Variants in EFHD1 observed in about 807,000 individuals in gnomAD.
The protein encoded by EFHD1 is EF-hand domain-containing protein D1.
A neutral mutation model predicts 17.2 loss-of-function variants in EFHD1; 10 were observed. The observed-to-expected ratio is 0.58, with a 90% CI of 0.36 to 0.99. The LOEUF is 0.99. EFHD1 is among the 50% of genes least tolerant of loss of function. The pLI, the probability that EFHD1 is intolerant of heterozygous loss-of-function variation, is 0.01. For synonymous variants in EFHD1, 153 were observed against 142.0 expected, an observed-to-expected ratio of 1.08 and a Z score of -0.55; for missense variants, 310 against 327.5, an observed-to-expected ratio of 0.95 and a Z score of 0.41.
chr2:232,625,482 T>C (rs1694090256), intron 1 of EFHD1, among the ~76,000 whole-genome samples: 1 of 152,058 alleles, frequency 6.6e-6, no homozygotes, highest in South Asian at 2.1e-4. Context: ...ATATATGAGA[T>C]TTTTCAACTT....
At position 232,634,035 on chromosome 2, in the gene EFHD1, C is replaced by T. The variant is rs757508364; in HGVS notation, c.302+29C>T. 4.4e-6 allele frequency: 7 copies of T among 1,595,794 alleles called. No individual in the cohort carries two copies. In the South Asian group the frequency reaches 7.7e-5, roughly 18 times the overall value. On this transcript the variant is annotated intron_variant, in intron 1 of 3. Coordinates refer to ENST00000264059, the MANE Select transcript of EFHD1 (RefSeq NM_025202.4). ...AGCTCCCGCTGCGCGCCCTTCGCCC[C>T]CGGGACCAGGGAGGGAGCGGGAGGG...
At chr2:232,667,713 C>A (rs114662139) in intron 2 of EFHD1, among the ~76,000 whole-genome samples, 2 of 151,850 alleles carry the variant, frequency 1.3e-5, no homozygotes, top group Non-Finnish European at 2.9e-5. Flanking sequence ...GCACCACACC[C>A]GGCTAATTTT....
In EFHD1 at chr2:232,610,564, C is replaced by T. The variant is rs1297426274; in HGVS notation, c.14+4391C>T. Among the ~76,000 whole-genome samples the T allele has an allele frequency of 4.0e-5, 6 of 150,662 alleles. No homozygotes were observed. The East Asian group carries it at 7.9e-4, about 20-fold the overall frequency. Reference sequence around the variant, plus strand: ...CAGCCTGGGCGACAGAGTGAGACTCCGTCCCCCCGCCCCGAAAAAATATAC... The same window carrying T: ...CAGCCTGGGCGACAGAGTGAGACTCTGTCCCCCCGCCCCGAAAAAATATAC... On this transcript the variant is annotated intron_variant, in intron 1 of 3. Coordinates refer to the EFHD1 transcript ENST00000409613.
chr2:232,626,588 T>A (rs1694106401), intron 1 of EFHD1, among the ~76,000 whole-genome samples: 1 of 152,172 alleles, frequency 6.6e-6, no homozygotes, highest in Non-Finnish European at 1.5e-5. Context: ...ATTTTGATCC[T>A]TAAGTACACA....
upstream of EFHD1, among the ~76,000 whole-genome samples, chr2:232,632,099 T>C (rs1272139541): frequency 6.6e-6 from 1 of 152,006 alleles, no homozygotes; most frequent in Non-Finnish European, 1.5e-5. Context: ...CATAAAGTGG[T>C]CAAAACAGAT....
intron 1 of EFHD1, among the ~76,000 whole-genome samples, chr2:232,637,790 T>C (rs1447244475): frequency 6.6e-6 from 1 of 152,198 alleles, no homozygotes; most frequent in Non-Finnish European, 1.5e-5. Flanking sequence ...ATACAGATAC[T>C]GGGAGACATG....
At chr2:232,657,181 C>T (rs1694778559) in intron 1 of EFHD1, among the ~76,000 whole-genome samples, 1 of 152,184 alleles carries the variant, frequency 6.6e-6, no homozygotes, top group Non-Finnish European at 1.5e-5. Flanking sequence ...AATGTCTTCA[C>T]CCTCCTAAAC....
chr2:232,628,900 C>T (rs568366419), upstream of EFHD1, among the ~76,000 whole-genome samples: 17 of 152,270 alleles, frequency 1.1e-4, no homozygotes, highest in East Asian at 2.7e-3. Context: ...CAGCTGCTAC[C>T]GGACTCTCCC....
chr2:232,607,590 T>TC (rs1693742018), intron 1 of EFHD1, among the ~76,000 whole-genome samples: 1 of 128,548 alleles, frequency 7.8e-6, no homozygotes, highest in Non-Finnish European at 1.5e-5. Flanking sequence ...CGAGAATGTC[T>TC]CAAAAAAAAA....
chr2:232,673,557 T>A (rs527622610), intron 3 of EFHD1, among the ~76,000 whole-genome samples: 3 of 152,288 alleles, frequency 2.0e-5, no homozygotes, highest in Non-Finnish European at 4.4e-5. Context: ...CAAATGCCTC[T>A]GCCTAGAAAA....
chr2:232,677,243 T>TACACACACACAC lies in EFHD1; in HGVS notation c.586-4331_586-4330insCACACACACACA, dbSNP rs569120803. On this transcript the variant is annotated intron_variant, in intron 3 of 3. Coordinates refer to ENST00000264059, the MANE Select transcript of EFHD1 (RefSeq NM_025202.4). Reference sequence around the variant, plus strand: ...ACACACACACACACACACACACACGTACACACACACATCTTTCTATAACAC... The same window carrying TACACACACACAC: ...ACACACACACACACACACACACACGTACACACACACACACACACACACATCTTTCTATAACAC... Among the ~76,000 whole-genome samples, 169 of 99,338 alleles carry TACACACACACAC rather than the reference T, an allele frequency of 1.7e-3. 1 individual carries two copies. The highest frequency in any genetic ancestry group is 6.8e-3 in the African/African-American group (154 of 22,572). The allele number at this position is 99,338 out of a possible 152,430, so 65.2% of individuals were successfully genotyped here.
At chr2:232,669,176 C>G (rs1695021421) in intron 2 of EFHD1, among the ~76,000 whole-genome samples, 1 of 152,214 alleles carries the variant, frequency 6.6e-6, no homozygotes, top group African/African-American at 2.4e-5. Context: ...CCCTTGACCT[C>G]CAACCTATTC....
chr2:232,677,581 G>A (rs1006646742), intron 3 of EFHD1, among the ~76,000 whole-genome samples: 2 of 152,070 alleles, frequency 1.3e-5, no homozygotes, highest in African/African-American at 2.4e-5. Context: ...ATATTAGCTG[G>A]GTATGGCGGT....
upstream of EFHD1, among the ~76,000 whole-genome samples, chr2:232,633,009 T>TC (rs965558465): frequency 2.0e-5 from 3 of 152,256 alleles, no homozygotes; most frequent in African/African-American, 7.2e-5. Context: ...ACGGGAGTTT[T>TC]TTCTGCTCGT....
At chr2:232,617,485 TA>T (rs34416890) in intron 1 of EFHD1, among the ~76,000 whole-genome samples, 5 of 147,734 alleles carry the variant, frequency 3.4e-5, no homozygotes, top group Admixed American at 6.8e-5. Flanking sequence ...CCGTCTTTAC[TA>T]AAAAAAAATA....
chr2:232,629,189 G>A (rs967205422), upstream of EFHD1, among the ~76,000 whole-genome samples: 2 of 152,200 alleles, frequency 1.3e-5, no homozygotes, highest in South Asian at 2.1e-4. Context: ...GTTTGAAGCC[G>A]CTACCTTCAG....
At chr2:232,618,882 G>A (rs1693972271) in intron 1 of EFHD1, among the ~76,000 whole-genome samples, 1 of 152,072 alleles carries the variant, frequency 6.6e-6, no homozygotes, top group African/African-American at 2.4e-5. Flanking sequence ...GGTGGCTCAT[G>A]CCTGTAATCC....
intron 2 of EFHD1, 60 bp downstream of exon 2, chr2:232,663,009 T>C: frequency 1.4e-6 from 2 of 1,481,158 alleles, no homozygotes; most frequent in Non-Finnish European, 1.8e-6. Flanking sequence ...CCTTCAGGTG[T>C]ACAGCCCACT....
intron 1 of EFHD1, among the ~76,000 whole-genome samples, chr2:232,616,650 G>A (rs564575255): frequency 1.3e-5 from 2 of 152,312 alleles, no homozygotes; most frequent in Admixed American, 6.5e-5. Flanking sequence ...CAGAGAGACA[G>A]AAGTAGAATG....
Sources: allele counts gnomAD v4.1 joint callset (sites outside exome capture counted in the v4.1 genomes callset), GRCh38; gene constraint gnomAD v4.1.1; transcripts MANE v1.5; gene names NCBI Gene and HGNC (gene_info 2026-07-23, HGNC 2026-07-21).